Variants in TBC1D1 observed in about 807,000 individuals in gnomAD.
The protein encoded by TBC1D1 is TBC1 domain family member 1, also known as TBC1 (tre-2/USP6, BUB2, cdc16) domain family, member 1.
TBC1D1 carries 89 observed loss-of-function variants against 125.6 expected under a neutral mutation model. The ratio of observed to expected loss-of-function variants is 0.71; its 90% CI spans 0.60 to 0.85. TBC1D1 has a LOEUF of 0.85. TBC1D1 is among the 40% of genes least tolerant of loss of function. The pLI, the probability that TBC1D1 is intolerant of heterozygous loss-of-function variation, is 0.00. For missense variants in TBC1D1, 1,377 were observed against 1,469.2 expected (o/e 0.94, Z 1.03); for synonymous variants, 565 against 564.1 (o/e 1.00, Z -0.02).
chr4:38,014,964 G>T lies in TBC1D1; in HGVS notation c.873G>T (p.Met291Ile). The T allele has an allele frequency of 6.5e-7, 1 of 1,535,448 alleles. No individual in the cohort carries two copies. The highest frequency in any genetic ancestry group is 8.8e-7 in the Non-Finnish European group (1 of 1,138,532). The change falls in exon 3 of 20, where the codon ATG becomes ATT. Residue 291 changes from methionine to isoleucine, a missense_variant. Physicochemically the swap from Met to Ile is conservative, Grantham distance 10 (BLOSUM62 1). Coordinates refer to ENST00000261439, the MANE Select transcript of TBC1D1 (RefSeq NM_015173.4). This position sits in a 1 kb window ranked among gnomAD's most constrained non-coding sequence, Gnocchi z 5.1. Reference sequence around the variant, plus strand: ...CAGATATCGAGGAAAATCGAACTATGCTCTTCACGGTAAAATATCACCCAG... The same window carrying T: ...CAGATATCGAGGAAAATCGAACTATTCTCTTCACGGTAAAATATCACCCAG...
intron 11 of TBC1D1, chr4:38,051,977 C>T (rs1439247382): frequency 3.9e-5 from 60 of 1,550,886 alleles, no homozygotes; most frequent in South Asian, 2.5e-4. Flanking sequence ...CTCGTCTTAA[C>T]CCCTCCGCCT....
At chr4:38,120,173 A>G (rs1763620613) in intron 17 of TBC1D1, 1 of 897,392 alleles carries the variant, frequency 1.1e-6, no homozygotes, top group Admixed American at 6.2e-5. Context: ...AACATTATGC[A>G]TAGAGATGCC....
At chr4:37,920,578 G>A (rs539507639) in intron 2 of TBC1D1, among the ~76,000 whole-genome samples, 2 of 152,172 alleles carry the variant, frequency 1.3e-5, no homozygotes, top group Non-Finnish European at 2.9e-5. Context: ...TATTGGAGCC[G>A]TTTGAGGGAT....
chr4:37,918,764 A>G (rs1273966534), intron 2 of TBC1D1, among the ~76,000 whole-genome samples: 2 of 152,134 alleles, frequency 1.3e-5, no homozygotes, highest in African/African-American at 4.8e-5. Flanking sequence ...TTCCCTTGTA[A>G]GCCTAGCCGT....
chr4:37,941,931 G>C (rs894976947), intron 2 of TBC1D1, among the ~76,000 whole-genome samples: 8 of 152,228 alleles, frequency 5.3e-5, no homozygotes, highest in Non-Finnish European at 8.8e-5. Context: ...GCTAAGGAGT[G>C]CTTTACTTCC....
chr4:38,031,178 T>C (rs1746053490), intron 7 of TBC1D1, among the ~76,000 whole-genome samples: 2 of 152,252 alleles, frequency 1.3e-5, no homozygotes. Context: ...GTGAAGCCAA[T>C]GTGGAGCTAG....
intron 2 of TBC1D1, among the ~76,000 whole-genome samples, chr4:37,973,876 A>G (rs1732532400): frequency 6.6e-6 from 1 of 152,342 alleles, no homozygotes; most frequent in East Asian, 1.9e-4. Flanking sequence ...AGTCACCTGG[A>G]ATTTTGGTAA....
intron 8 of TBC1D1, among the ~76,000 whole-genome samples, chr4:38,042,182 C>A (rs1748523962): frequency 6.6e-6 from 1 of 151,860 alleles, no homozygotes. Flanking sequence ...TCCCAAAAAA[C>A]AAGCAAACAA....
At chr4:37,922,726 A>T (rs4832968) in intron 2 of TBC1D1, among the ~76,000 whole-genome samples, 59,094 of 152,028 alleles carry the variant, frequency 0.39, 11,841 homozygotes, top group East Asian at 0.64. Flanking sequence ...CTACTGAATC[A>T]ATCAACAGCA....
chr4:38,020,660 G>C lies in TBC1D1; in HGVS notation c.1042G>C (p.Val348Leu). 2 of 1,612,852 alleles carry C rather than the reference G, an allele frequency of 1.2e-6. No individual in the cohort carries two copies. Among genetic ancestry groups the C allele is most frequent in the East Asian group, 4.5e-5 (2 of 44,782 alleles). Residue 348 changes from valine (V) to leucine (L), a missense_variant, in exon 5 of 20, where the codon GTC (valine) becomes CTC (leucine). Val to Leu is a conservative substitution (Grantham distance 32). Transcript: ENST00000261439. ...TTCCGGAGGTGGCGGCTTTCATTTT[G>C]TCTGTTACGTGTTTCAGTGCACAAA... is the stretch of plus-strand genomic sequence containing the variant.
At chr4:38,039,365 C>T (rs762759055) in intron 8 of TBC1D1, among the ~76,000 whole-genome samples, 3 of 151,962 alleles carry the variant, frequency 2.0e-5, no homozygotes, top group African/African-American at 7.2e-5. Context: ...GATCTGCCCA[C>T]CTCGGCCTTC....
At chr4:37,947,004 A>G (rs1304674332) in intron 2 of TBC1D1, among the ~76,000 whole-genome samples, 7 of 152,188 alleles carry the variant, frequency 4.6e-5, no homozygotes, top group Non-Finnish European at 1.0e-4. Flanking sequence ...ATGGCATGCG[A>G]CTCAACAATA....
chr4:37,891,319 G>T lies in TBC1D1; in HGVS notation c.-123G>T, dbSNP rs992156788. On this transcript the variant is annotated 5_prime_UTR_variant, in exon 1 of 20. Coordinates refer to ENST00000261439, the MANE Select transcript of TBC1D1 (RefSeq NM_015173.4). ...CCAAGCACCTGCGCGTCCCGGCCCG[G>T]CCCCGGGCTCTGAGCGCGCCGCGGC... 10 of 152,398 alleles carry T rather than the reference G, an allele frequency of 6.6e-5. No individual in the cohort carries two copies. The highest frequency in any genetic ancestry group is 2.2e-4 in the African/African-American group (9 of 41,448). 9.4% of individuals were successfully genotyped at this position (152,398 alleles called of 1,614,324 possible).
intron 2 of TBC1D1, among the ~76,000 whole-genome samples, chr4:37,955,458 A>G (rs1323006470): frequency 6.6e-6 from 1 of 152,196 alleles, no homozygotes; most frequent in Non-Finnish European, 1.5e-5. Flanking sequence ...ACCCTCCTAT[A>G]TACTTTAAAT....
chr4:38,100,259 AAGC>A (rs1186773721), intron 14 of TBC1D1, among the ~76,000 whole-genome samples: 3 of 152,234 alleles, frequency 2.0e-5, no homozygotes, highest in Non-Finnish European at 4.4e-5. Context: ...ATAGTGACTA[AAGC>A]AACAGAAATT....
intron 2 of TBC1D1, among the ~76,000 whole-genome samples, chr4:37,944,311 G>T (rs958510689): frequency 1.3e-5 from 2 of 152,144 alleles, no homozygotes; most frequent in African/African-American, 2.4e-5. Flanking sequence ...CAGTCTGTCC[G>T]TTCTCAGATC....
At chr4:38,072,461 G>A (rs1221011540) in intron 12 of TBC1D1, among the ~76,000 whole-genome samples, 1 of 152,206 alleles carries the variant, frequency 6.6e-6, no homozygotes, top group Non-Finnish European at 1.5e-5. Flanking sequence ...ATGAAACTCA[G>A]TGCTGGTTAA....
intron 2 of TBC1D1, among the ~76,000 whole-genome samples, chr4:37,976,229 G>C (rs1016474560): frequency 6.6e-6 from 1 of 152,122 alleles, no homozygotes; most frequent in South Asian, 2.1e-4. Context: ...AACTAAATAC[G>C]GGCAACACCT....
At chr4:37,984,956 T>TATATAAGACTTTATATATC (rs1201047260) in intron 2 of TBC1D1, among the ~76,000 whole-genome samples, 2 of 152,066 alleles carry the variant, frequency 1.3e-5, no homozygotes, top group Non-Finnish European at 2.9e-5. Flanking sequence ...ATATTTATGA[T>TATATAAGACTTTATATATC]ATATATATTT....
Sources: allele counts gnomAD v4.1 joint callset (sites outside exome capture counted in the v4.1 genomes callset), GRCh38; gene constraint gnomAD v4.1.1; non-coding constraint Gnocchi (gnomAD v3.1); transcripts MANE v1.5; gene names NCBI Gene and HGNC (gene_info 2026-07-23, HGNC 2026-07-21).